Variants in ZFC3H1 observed in about 807,000 individuals in gnomAD.
The protein encoded by ZFC3H1 is zinc finger C3H1-type containing, also known as zinc finger C3H1 domain-containing protein.
In ZFC3H1, 71 loss-of-function variants were observed where a neutral mutation model predicts 243.7. The ratio of observed to expected loss-of-function variants is 0.29; its 90% CI spans 0.24 to 0.36. ZFC3H1 has a LOEUF of 0.36. ZFC3H1 is among the 10% of genes least tolerant of loss of function. The pLI, the probability that ZFC3H1 is intolerant of heterozygous loss-of-function variation, is 1.00. For synonymous variants in ZFC3H1, 838 were observed against 813.0 expected, an observed-to-expected ratio of 1.03 and a Z score of -0.52; for missense variants, 1,966 against 2,317.1, an observed-to-expected ratio of 0.85 and a Z score of 3.11.
chr12:71,631,913 A>G, intron 15 of ZFC3H1, 26 bp from the exon 16 acceptor site: 2 of 1,607,290 alleles, frequency 1.2e-6, no homozygotes, highest in Non-Finnish European at 1.7e-6. Context: ...ATAATTCTGT[A>G]AGGCAAATAA....
chr12:71,632,764 G>A (rs1044276225), intron 14 of ZFC3H1, 122 bp downstream of exon 14: 1 of 1,419,810 alleles, frequency 7.0e-7, no homozygotes, highest in Non-Finnish European at 9.5e-7. Context: ...TAAAAACAAA[G>A]CTTTAATCTT....
At chr12:71,617,547 A>C (rs1036085112) in intron 27 of ZFC3H1, among the ~76,000 whole-genome samples, 5 of 152,218 alleles carry the variant, frequency 3.3e-5, no homozygotes, top group African/African-American at 1.2e-4. Flanking sequence ...TTCATTAGTT[A>C]CCAAGGCAGA....
At chr12:71,645,321 C>T (rs1213113406) in intron 3 of ZFC3H1, among the ~76,000 whole-genome samples, 4 of 152,026 alleles carry the variant, frequency 2.6e-5, no homozygotes, top group Non-Finnish European at 2.9e-5. Flanking sequence ...GTTGGTAAGG[C>T]GGTACAACTG....
At chr12:71,652,200 A>AT (rs1412487075) in intron 2 of ZFC3H1, among the ~76,000 whole-genome samples, 1 of 152,118 alleles carries the variant, frequency 6.6e-6, no homozygotes, top group African/African-American at 2.4e-5. Context: ...ATTTATATAT[A>AT]TAATTTACTG....
chr12:71,645,116 T>C (rs1307351036), intron 3 of ZFC3H1, 41 bp from the exon 4 acceptor site: 1 of 1,504,680 alleles, frequency 6.6e-7, no homozygotes, highest in Non-Finnish European at 8.9e-7. Context: ...TTTAATTCTA[T>C]TATTTAGCTT....
In ZFC3H1 at chr12:71,663,827, G is replaced by C; in HGVS notation, c.-217C>G. On this transcript the variant is annotated 5_prime_UTR_variant, in exon 1 of 35. Transcript: ENST00000378743. ...CAGTTCCCTTTCCTAGCGCCCCCTT[G>C]CTCCTCAGCGATCGGGGTTCTTCCG... is the stretch of plus-strand genomic sequence containing the variant. 1 of 589,466 alleles carries C rather than the reference G, an allele frequency of 1.7e-6. No homozygotes were observed. The allele number at this position is 589,466 out of a possible 1,614,324, so 36.5% of individuals were successfully genotyped here.
Position 71,662,999 on chromosome 12 carries a change from C to T in ZFC3H1, c.598+14G>A, listed in dbSNP as rs1881227803. On this transcript the variant is annotated intron_variant, in intron 1 of 34. Coordinates refer to ENST00000378743, the MANE Select transcript of ZFC3H1 (RefSeq NM_144982.5). ...TAGTGACACACCCAGCGCCGACCGC[C>T]ACGTTAAGGATACAGCTCTTCCGAG... is the stretch of plus-strand genomic sequence containing the variant. 2.5e-6 allele frequency: 4 copies of T among 1,575,846 alleles called. No individual in the cohort carries two copies. In the South Asian group the frequency reaches 3.4e-5, roughly 13 times the overall value.
chr12:71,637,882 TTCC>T (rs1880504168), intron 7 of ZFC3H1, among the ~76,000 whole-genome samples: 1 of 152,182 alleles, frequency 6.6e-6, no homozygotes, highest in African/African-American at 2.4e-5. Flanking sequence ...ATTCCTCTAC[TTCC>T]TTTTTTTCCT....
chr12:71,657,937 C>G (rs1041810158), intron 1 of ZFC3H1, among the ~76,000 whole-genome samples: 1 of 150,256 alleles, frequency 6.7e-6, no homozygotes, highest in African/African-American at 2.5e-5. Context: ...TGCAGGGAGC[C>G]AAGATCACAC....
Position 71,627,892 on chromosome 12 carries a change from G to C in ZFC3H1, c.3989C>G (p.Thr1330Arg). The C allele has an allele frequency of 1.2e-6, 2 of 1,613,178 alleles. No individual in the cohort carries two copies. The highest frequency in any genetic ancestry group is 1.7e-6 in the Non-Finnish European group (2 of 1,179,690). Residue 1330 changes from threonine (T) to arginine (R), a missense_variant, in exon 21 of 35, where the codon ACA becomes AGA. By Grantham distance (71) the Thr-to-Arg change is moderately conservative. Around this residue, in one of 4 missense-constraint regions of ZFC3H1, gnomAD observed 1,383 missense variants for 1,723.7 expected, o/e 0.80. Coordinates refer to ENST00000378743, the MANE Select transcript of ZFC3H1 (RefSeq NM_144982.5). ...TCTGACATCATCTGGAGTGACAACTGTATCCAGAGCTGGAACATTTATTTG... is the reference window on the plus strand; with the variant it reads ...TCTGACATCATCTGGAGTGACAACTCTATCCAGAGCTGGAACATTTATTTG... ...ENQINVPALD[T>R]VVTPDDVRYF...
intron 31 of ZFC3H1, 79 bp from the exon 32 acceptor site, chr12:71,611,966 G>A (rs1275503242): frequency 2.5e-6 from 2 of 791,346 alleles, no homozygotes; most frequent in Non-Finnish European, 2.0e-6. Flanking sequence ...GCACAATGAC[G>A]AAGTATAAAT....
At chr12:71,647,136 C>A (rs17110088) in intron 3 of ZFC3H1, among the ~76,000 whole-genome samples, 13 of 146,754 alleles carry the variant, frequency 8.9e-5, no homozygotes, top group African/African-American at 3.3e-4. Context: ...TGCAAAAAAA[C>A]AAACTGAAAT....
At chr12:71,661,287 G>A (rs1268773087) in intron 1 of ZFC3H1, among the ~76,000 whole-genome samples, 3 of 151,764 alleles carry the variant, frequency 2.0e-5, no homozygotes, top group South Asian at 2.1e-4. Flanking sequence ...GCGACAGAGC[G>A]AGACTCTGTC....
At chr12:71,624,479 G>A (rs1276999824) in intron 22 of ZFC3H1, among the ~76,000 whole-genome samples, 187 bp from the exon 23 acceptor site, 1 of 152,092 alleles carries the variant, frequency 6.6e-6, no homozygotes, top group Non-Finnish European at 1.5e-5. Context: ...ATCACATATC[G>A]AAAAGTGGAA....
At position 71,613,385 on chromosome 12, in the gene ZFC3H1, G is replaced by A. The variant is rs778170343; in HGVS notation, c.5577C>T (p.Thr1859=). The A allele has an allele frequency of 6.2e-7, 1 of 1,609,546 alleles. No individual in the cohort carries two copies. Among genetic ancestry groups the A allele is most frequent in the South Asian group, 1.1e-5 (1 of 90,430 alleles). Residue 1859 remains threonine (T), a synonymous_variant, in exon 31 of 35, where the codon ACC becomes ACT. Transcript: ENST00000378743. ...GCATAACTGAACAAAACCGTTCCAA[G>A]GTTTTGGAATGCTGGGTCTTTGGAA... is the stretch of plus-strand genomic sequence containing the variant. ...SCVPKTQHSK[T]LERFCSVMPA...
At chr12:71,660,595 A>G (rs1006089096) in intron 1 of ZFC3H1, among the ~76,000 whole-genome samples, 1 of 152,106 alleles carries the variant, frequency 6.6e-6, no homozygotes, top group African/African-American at 2.4e-5. Flanking sequence ...GGTCTATGGT[A>G]GAGGCCCAAA....
At chr12:71,617,716 G>C (rs1156847827) in intron 27 of ZFC3H1, among the ~76,000 whole-genome samples, 2 of 152,184 alleles carry the variant, frequency 1.3e-5, no homozygotes, top group East Asian at 3.8e-4. Flanking sequence ...ACTGAGTATG[G>C]AGAAGCTGAA....
rs760722104 is a variant in ZFC3H1 at position 71,663,024 on chromosome 12, G to A, written c.587C>T (p.Pro196Leu). 9.4e-6 allele frequency: 15 copies of A among 1,604,192 alleles called. No homozygotes were observed. The highest frequency in any genetic ancestry group is 1.3e-5 in the African/African-American group (1 of 74,770). Residue 196 changes from proline (P) to leucine (L), a missense_variant, in exon 1 of 35, where the codon CCT becomes CTT. This residue lies in a region of ZFC3H1 where 484 missense variants were observed against 449.7 expected (regional missense o/e 1.08). Transcript: ENST00000378743. ...CACGTTAAGGATACAGCTCTTCCGA[G>A]GTGGAGAGGGCTCTCGCCAGCTCTG... is the stretch of plus-strand genomic sequence containing the variant. ...SSQSWREPSP[P>L]RKSSKSFGRS...
rs543590738 is a variant in ZFC3H1 at position 71,632,343 on chromosome 12, T to G, written c.2989A>C (p.Ile997Leu). Residue 997 changes from isoleucine (I) to leucine (L), a missense_variant, in exon 15 of 35, where the codon ATC (isoleucine) becomes CTC (leucine). Coordinates refer to ENST00000378743, the MANE Select transcript of ZFC3H1 (RefSeq NM_144982.5). ...RALKAKEQQN[I>L]SPVVEEEPEF... The stretch of plus-strand genomic sequence containing the variant: ...GGTTCCTCTTCCACAACTGGAGAGA[T>G]ATTTTGTTGTTCCTTTGCTTTAAGG... The G allele has an allele frequency of 6.2e-5, 100 of 1,613,646 alleles. No individual in the cohort carries two copies. The highest frequency in any genetic ancestry group is 8.0e-5 in the Non-Finnish European group (94 of 1,179,860).
Sources: allele counts gnomAD v4.1 joint callset (sites outside exome capture counted in the v4.1 genomes callset), GRCh38; gene constraint gnomAD v4.1.1; regional missense constraint gnomAD v4.1.1; transcripts MANE v1.5; gene names NCBI Gene and HGNC (gene_info 2026-07-23, HGNC 2026-07-21).